The following PRDM2 variants were observed in gnomAD, a reference collection of about 807,000 sequenced individuals.
PRDM2 encodes the protein PR/SET domain 2, also known as PR domain zinc finger protein 2.
PRDM2 carries 30 observed loss-of-function variants against 130.0 expected under a neutral mutation model. That is an observed-to-expected ratio of 0.23 (90% CI 0.17 to 0.31). The LOEUF (loss-of-function observed/expected upper bound fraction) is 0.31. PRDM2 is among the 10% of genes least tolerant of loss of function. The pLI is 1.00. For synonymous variants in PRDM2, 871 were observed against 782.4 expected (o/e 1.11, Z -1.89); for missense variants, 2,011 against 2,108.4 (o/e 0.95, Z 0.90).
rs758017875 is a variant in PRDM2, at chr1:13,780,651, G to A, written c.2856G>A (p.Gln952=). The change falls in exon 8 of 10, where the codon CAG becomes CAA. Residue 952 remains glutamine (Q), a synonymous_variant. Coordinates refer to ENST00000311066, the MANE Select transcript of PRDM2 (RefSeq NM_001393986.1). ...PDVCPSSPAL[Q]TPSLSSGQLP... ...TTTGTCCTTCATCACCTGCCCTGCAGACACCCTCCCTTTCATCCGGTCAGC... is the reference window on the plus strand; with the variant it reads ...TTTGTCCTTCATCACCTGCCCTGCAAACACCCTCCCTTTCATCCGGTCAGC... 6.2e-7 allele frequency: 1 copy of A among 1,613,116 alleles called. No homozygotes were observed.
At chr1:13,751,393 G>T (rs1283477184) in intron 6 of PRDM2, among the ~76,000 whole-genome samples, 2 of 152,014 alleles carry the variant, frequency 1.3e-5, no homozygotes, top group Admixed American at 1.3e-4. Context: ...ACAGCTTACT[G>T]GTTAAAGAGA....
chr1:13,723,264 T>A (rs780317296), intron 2 of PRDM2, among the ~76,000 whole-genome samples: 8 of 152,150 alleles, frequency 5.3e-5, no homozygotes, highest in Non-Finnish European at 1.2e-4. Context: ...CCCCTCCTTA[T>A]CTCTCCTACA....
At chr1:13,774,948 A>T (rs1029464048) in intron 7 of PRDM2, among the ~76,000 whole-genome samples, 2 of 150,622 alleles carry the variant, frequency 1.3e-5, no homozygotes, top group African/African-American at 4.9e-5. Flanking sequence ...AGCCTGGGCG[A>T]CAGAGCGAGA....
chr1:13,721,688 G>A (rs575734932), intron 2 of PRDM2, among the ~76,000 whole-genome samples: 38 of 152,142 alleles, frequency 2.5e-4, no homozygotes, highest in Admixed American at 5.2e-4. Context: ...AACCTGAATA[G>A]CATTTCCTTA....
intron 8 of PRDM2, among the ~76,000 whole-genome samples, chr1:13,793,012 G>C (rs1644865693): frequency 6.6e-6 from 1 of 152,276 alleles, no homozygotes; most frequent in South Asian, 2.1e-4. Flanking sequence ...TTGGGTTTTA[G>C]AGAGACTTGC....
At chr1:13,807,836 G>GTA (rs1645108766) in intron 8 of PRDM2, among the ~76,000 whole-genome samples, 1 of 152,158 alleles carries the variant, frequency 6.6e-6, no homozygotes, top group South Asian at 2.1e-4. Context: ...TAAGAAATTA[G>GTA]GATCCCCAGG....
intron 2 of PRDM2, among the ~76,000 whole-genome samples, chr1:13,717,005 G>C (rs1444533558): frequency 6.6e-6 from 1 of 151,970 alleles, no homozygotes; most frequent in Non-Finnish European, 1.5e-5. Context: ...GCTGGGCCAA[G>C]TTTAATACAT....
In PRDM2 at chr1:13,779,864, A is replaced by C; in HGVS notation, c.2069A>C (p.Lys690Thr). 4 of 1,612,966 alleles carry C rather than the reference A, an allele frequency of 2.5e-6. No homozygotes were observed. The highest frequency in any genetic ancestry group is 3.4e-6 in the Non-Finnish European group (4 of 1,179,924). Residue 690 changes from lysine to threonine, a missense_variant, in exon 8 of 10, where the codon AAG (lysine) becomes ACG (threonine). Lys to Thr is a moderately conservative substitution (Grantham distance 78, BLOSUM62 -1). Transcript: ENST00000311066. The surrounding 1 kb of genome is among the most constrained non-coding windows in gnomAD (Gnocchi z 4.9). The part of the protein sequence containing the change: ...HKEKSVYLSS[K>T]LKQLLQTQDK... ...GAGAAAAGTGTTTATTTGTCATCAA[A>C]GCTCAAACAACTTCTTCAAACCCAA...
intron 4 of PRDM2, among the ~76,000 whole-genome samples, chr1:13,734,028 A>G (rs1016508880): frequency 3.3e-5 from 5 of 152,132 alleles, no homozygotes; most frequent in Admixed American, 1.3e-4. Context: ...CTGTTTCCCA[A>G]CTTGAAAAAT....
rs150656514 is a variant in PRDM2 at position 13,778,998 on chromosome 1, A to G, written c.1203A>G (p.Thr401=). 15 of 1,614,108 alleles carry G rather than the reference A, an allele frequency of 9.3e-6. No individual in the cohort carries two copies. The highest frequency in any genetic ancestry group is 1.7e-5 in the Admixed American group (1 of 60,006). ...AGTACTGTGGGAAAGCCTTTGGCAC[A>G]CAGATTAACCGGCGGCGACATGAGC... ...KCKYCGKAFG[T]QINRRRHERR... The change falls in exon 8 of 10, where the codon ACA becomes ACG. Residue 401 remains threonine, a synonymous_variant. Transcript: ENST00000311066.
intron 1 of PRDM2, among the ~76,000 whole-genome samples, chr1:13,702,120 C>T (rs1378835427): frequency 6.6e-6 from 1 of 152,136 alleles, no homozygotes; most frequent in African/African-American, 2.4e-5. Flanking sequence ...GCAGATCTTC[C>T]TGTCTCTCTT....
intron 8 of PRDM2, among the ~76,000 whole-genome samples, chr1:13,811,677 T>C (rs1363489424): frequency 6.6e-6 from 1 of 152,062 alleles, no homozygotes; most frequent in Non-Finnish European, 1.5e-5. Context: ...CCTCTTCTAG[T>C]GTTGAAGGAG....
intron 1 of PRDM2, among the ~76,000 whole-genome samples, chr1:13,712,942 C>T (rs1642417387): frequency 6.6e-6 from 1 of 152,196 alleles, no homozygotes; most frequent in Non-Finnish European, 1.5e-5. Flanking sequence ...TCTGCACCAG[C>T]CACACCAACA....
At position 13,754,100 on chromosome 1, in the gene PRDM2, A is replaced by G. The variant is rs193275710; in HGVS notation, c.511+4613A>G. Among the ~76,000 whole-genome samples, 390 of 152,252 alleles carry G rather than the reference A, an allele frequency of 2.6e-3. 1 individual carries two copies. Among genetic ancestry groups the G allele is most frequent in the African/African-American group, 9.3e-3 (386 of 41,558 alleles). The stretch of plus-strand genomic sequence containing the variant: ...GGTGACCATTCTGAGGTTGTGACAT[A>G]AGTGACACAGGAAGTTCTAGGGGCT... On this transcript the variant is annotated intron_variant, in intron 6 of 9. Coordinates refer to ENST00000311066, the MANE Select transcript of PRDM2 (RefSeq NM_001393986.1).
chr1:13,823,315 G>A lies in PRDM2; in HGVS notation c.*180G>A, dbSNP rs1017223031. 8.1e-6 allele frequency: 9 copies of A among 1,104,688 alleles called. No individual in the cohort carries two copies. Among genetic ancestry groups the A allele is most frequent in the South Asian group, 6.8e-5 (5 of 73,688 alleles). 68.4% of individuals were successfully genotyped at this position (1,104,688 alleles called of 1,614,324 possible). A position where few individuals can be genotyped will look rare whatever the true frequency, so the allele number is the denominator to read the frequency against. ...CGTGTGTGTTCACGTGTTCTCGTGC[G>A]GGCGCGTGAGTGGTCTTCAAACGAG... On this transcript the variant is annotated 3_prime_UTR_variant, in exon 10 of 10. Coordinates refer to ENST00000311066, the MANE Select transcript of PRDM2 (RefSeq NM_001393986.1).
chr1:13,812,211 C>T lies in PRDM2; in HGVS notation c.5037-4216C>T, dbSNP rs2473233. 7.1e-3 allele frequency among the ~76,000 whole-genome samples: 1,080 copies of T among 152,124 alleles called. 12 individuals are homozygous for T. Among genetic ancestry groups the T allele is most frequent in the African/African-American group, 0.025 (1,026 of 41,488 alleles). ...GTGCAGTGGCAATTGCCACAGTCCC[C>T]GTGGAAGGTGTTGATGCCACAGGTT... On this transcript the variant is annotated intron_variant, in intron 8 of 9. Transcript: ENST00000311066.
In PRDM2 at chr1:13,764,359, A is replaced by T. The variant is rs1281293655; in HGVS notation, c.512-8719A>T. The stretch of plus-strand genomic sequence containing the variant: ...TCAGGCTACTAAAAAAACGTGAGAA[A>T]GAAACCTAGAAATTGATTATGAAGT... On this transcript the variant is annotated intron_variant, in intron 6 of 9. Transcript: ENST00000311066. 2.0e-5 allele frequency among the ~76,000 whole-genome samples: 3 copies of T among 152,246 alleles called. No individual in the cohort carries two copies. In the East Asian group the frequency reaches 5.8e-4, roughly 29 times the overall value.
chr1:13,720,236 G>C (rs1642679038), intron 2 of PRDM2, among the ~76,000 whole-genome samples: 2 of 152,166 alleles, frequency 1.3e-5, no homozygotes. Context: ...AGTATGTGTT[G>C]ACCATGTAAG....
intron 1 of PRDM2, among the ~76,000 whole-genome samples, chr1:13,700,913 C>CT (rs774822239): frequency 6.6e-6 from 1 of 152,178 alleles, no homozygotes; most frequent in African/African-American, 2.4e-5. Flanking sequence ...ACGTGCAACT[C>CT]TGTTACTAAT....
Sources: gnomAD v4.1 joint callset for allele counts (sites outside exome capture counted in the v4.1 genomes callset) on GRCh38, gnomAD v4.1.1 for gene constraint, Gnocchi (gnomAD v3.1) non-coding constraint, MANE v1.5 for transcripts, NCBI Gene and HGNC (gene_info 2026-07-23, HGNC 2026-07-21) for gene names.